The following LDHA variants were observed in gnomAD, a reference collection of about 807,000 sequenced individuals.
The protein encoded by LDHA is L-lactate dehydrogenase A chain.
In LDHA, 10 loss-of-function variants were observed where a neutral mutation model predicts 36.3. That is an observed-to-expected ratio of 0.28 (90% CI 0.17 to 0.47). The LOEUF (loss-of-function observed/expected upper bound fraction) is 0.47. LDHA is among the 20% of genes least tolerant of loss of function. The probability of loss-of-function intolerance (pLI) is 0.99; values close to 1 mark genes in which losing one functional copy is unlikely to be tolerated. For synonymous variants in LDHA, 110 were observed against 136.7 expected (o/e 0.80, Z 1.36); for missense variants, 267 against 405.8 (o/e 0.66, Z 2.94).
rs577348693 is a variant in LDHA, at chr11:18,397,683, C to T, written c.126+715C>T. On this transcript the variant is annotated intron_variant, in intron 2 of 7. Coordinates refer to ENST00000422447, the MANE Select transcript of LDHA (RefSeq NM_005566.4). The stretch of plus-strand genomic sequence containing the variant: ...AAAATTAGCCGGGCGTGGTGGCATA[C>T]GCCTATAGTCCCAGCTACTTGGGAG... 2.4e-4 allele frequency among the ~76,000 whole-genome samples: 37 copies of T among 152,052 alleles called. 1 individual carries two copies. The South Asian group carries it at 5.4e-3, about 22-fold the overall frequency.
At chr11:18,398,616 T>TC (rs1866376386) in intron 2 of LDHA, 2 of 82,200 alleles carry the variant, frequency 2.4e-5, no homozygotes, top group Non-Finnish European at 5.6e-5. Context: ...TTTTTTTTTT[T>TC]TTTTTTTTTT....
At position 18,407,868 on chromosome 11, in the gene LDHA, T is replaced by C. The variant is rs1005019034; in HGVS notation, c.*587T>C. ...AGTGACTACTTTGGTTAATTCATTA[T>C]ATTAAGATATAAAGTCATAAAGCTG... On this transcript the variant is annotated 3_prime_UTR_variant, in exon 8 of 8. Transcript: ENST00000422447. 6.6e-6 allele frequency: 3 copies of C among 454,152 alleles called. No individual in the cohort carries two copies. The highest frequency in any genetic ancestry group is 3.1e-5 in the South Asian group (2 of 64,474). The allele number at this position is 454,152 out of a possible 1,614,324, so 28.1% of individuals were successfully genotyped here. A position where few individuals can be genotyped will look rare whatever the true frequency, so the allele number is the denominator to read the frequency against.
intron 4 of LDHA, among the ~76,000 whole-genome samples, chr11:18,402,172 CTCAAAT>C (rs1231611936): frequency 2.6e-5 from 4 of 151,658 alleles, no homozygotes; most frequent in African/African-American, 9.7e-5. Flanking sequence ...CCAGGCTGGT[CTCAAAT>C]TCCTGAGCTC....
chr11:18,396,533 G>A, intron 1 of LDHA: 1 of 1,333,238 alleles, frequency 7.5e-7, no homozygotes, highest in Non-Finnish European at 9.6e-7. Flanking sequence ...CCCCACTTGG[G>A]GTTAATAAAC....
chr11:18,405,821 G>A, intron 7 of LDHA: 1 of 390,510 alleles, frequency 2.6e-6, no homozygotes, highest in Non-Finnish European at 4.6e-6. Context: ...TGAGGTAGGT[G>A]GAAGACTATA....
chr11:18,394,850 G>A (rs1223479911), intron 1 of LDHA: 2 of 353,882 alleles, frequency 5.7e-6, no homozygotes, highest in Non-Finnish European at 5.6e-6. Flanking sequence ...CTCTAAGCGG[G>A]AACCATGGCT....
Position 18,397,008 on chromosome 11 carries a change from C to A in LDHA, c.126+40C>A, listed in dbSNP as rs773917634. The A allele has an allele frequency of 6.3e-6, 10 of 1,590,010 alleles. 1 individual carries two copies. The highest frequency in any genetic ancestry group is 3.3e-5 in the Admixed American group (2 of 59,978). ...ACCACACTGGAAGCCCATACCTTGA[C>A]CCCATCCTCTACCCCCACTCCTACC... On this transcript the variant is annotated intron_variant, in intron 2 of 7. Transcript: ENST00000422447.
At position 18,399,491 on chromosome 11, in the gene LDHA, A is replaced by T. The variant is rs745571742; in HGVS notation, c.187A>T (p.Met63Leu). The change falls in exon 3 of 8, where the codon ATG becomes TTG. Residue 63 changes from methionine to leucine, a missense_variant. Transcript: ENST00000422447. ...CGAAGACAAATTGAAGGGAGAGATGATGGATCTCCAACATGGCAGCCTTTT... is the reference window on the plus strand; with the variant it reads ...CGAAGACAAATTGAAGGGAGAGATGTTGGATCTCCAACATGGCAGCCTTTT... ...VIEDKLKGEM[M>L]DLQHGSLFLR... The T allele has an allele frequency of 1.9e-6, 3 of 1,613,610 alleles. No homozygotes were observed. In the South Asian group the frequency reaches 3.3e-5, roughly 18 times the overall value.
At chr11:18,400,372 ATGTT>A (rs10554414) in intron 3 of LDHA, 172,200 of 251,890 alleles carry the variant, frequency 0.68, 61,861 homozygotes, top group South Asian at 0.77. Context: ...GAAGCAAAAT[ATGTT>A]TGTTAAGTGT....
chr11:18,395,632 C>A (rs1342045547), intron 1 of LDHA, among the ~76,000 whole-genome samples: 1 of 152,194 alleles, frequency 6.6e-6, no homozygotes, highest in Non-Finnish European at 1.5e-5. Context: ...GGCTGACTGC[C>A]TGCCTAGAGG....
At chr11:18,403,833 C>T in intron 6 of LDHA, 22 bp downstream of exon 6, 1 of 1,255,746 alleles carries the variant, frequency 8.0e-7, no homozygotes, top group Non-Finnish European at 1.2e-6. Context: ...TTCAATTTGG[C>T]AACACAGAAT....
At chr11:18,395,858 T>C (rs1291412057) in intron 1 of LDHA, among the ~76,000 whole-genome samples, 1 of 152,246 alleles carries the variant, frequency 6.6e-6, no homozygotes, top group African/African-American at 2.4e-5. Flanking sequence ...AACTATTTCT[T>C]CATACTGGGC....
At position 18,394,593 on chromosome 11, in the gene LDHA, C is replaced by G. The variant is rs1356719751; in HGVS notation, c.-68C>G. On this transcript the variant is annotated 5_prime_UTR_variant, in exon 1 of 8. It adds an upstream start codon to the 5' untranslated region. Coordinates refer to ENST00000422447, the MANE Select transcript of LDHA (RefSeq NM_005566.4). ...GCAGCCGCTGCCGCCGATTCCGGAT[C>G]TCATTGCCACGCGCCCCCGACGACC... is the stretch of plus-strand genomic sequence containing the variant. 2.2e-6 allele frequency: 1 copy of G among 454,028 alleles called. No individual in the cohort carries two copies. The highest frequency in any genetic ancestry group is 2.0e-5 in the African/African-American group (1 of 50,014). 28.1% of individuals were successfully genotyped at this position (454,028 alleles called of 1,614,324 possible).
chr11:18,401,724 G>A (rs575080426), intron 4 of LDHA, among the ~76,000 whole-genome samples: 3 of 143,106 alleles, frequency 2.1e-5, no homozygotes, highest in Non-Finnish European at 3.1e-5. Flanking sequence ...TGATCTGCCC[G>A]CCTTGGCCTC....
intron 4 of LDHA, chr11:18,402,414 C>T (rs1363671361): frequency 5.2e-6 from 1 of 192,950 alleles, no homozygotes; most frequent in African/African-American, 2.4e-5. Flanking sequence ...CTTCCTCAGC[C>T]TCTTAAGTAG....
At chr11:18,394,722 C>T in intron 1 of LDHA, 86 bp downstream of exon 1, 1 of 448,388 alleles carries the variant, frequency 2.2e-6, no homozygotes, top group Admixed American at 2.4e-5. Flanking sequence ...CCGCTGCTCG[C>T]GAAGGGATTC....
chr11:18,405,510 G>A lies in LDHA; in HGVS notation c.772G>A (p.Asp258Asn), dbSNP rs1208949691. ...CTGGGCTATTGGACTCTCTGTAGCA[G>A]ATTTGGCAGAGAGTATAATGAAGAA... ...TSWAIGLSVA[D>N]LAESIMKNLR... is the part of the protein sequence containing the mutation. Residue 258 changes from aspartate to asparagine, a missense_variant, in exon 7 of 8, where the codon GAT becomes AAT. By Grantham distance (23) the Asp-to-Asn change is conservative. Coordinates refer to ENST00000422447, the MANE Select transcript of LDHA (RefSeq NM_005566.4). The A allele has an allele frequency of 2.5e-6, 4 of 1,613,418 alleles. No individual in the cohort carries two copies. Among genetic ancestry groups the A allele is most frequent in the Middle Eastern group, 1.7e-4 (1 of 6,054 alleles).
At position 18,403,779 on chromosome 11, in the gene LDHA, G is replaced by C. The variant is rs745669796; in HGVS notation, c.678G>C (p.Gln226His). The C allele has an allele frequency of 6.2e-7, 1 of 1,605,860 alleles. No homozygotes were observed. The highest frequency in any genetic ancestry group is 1.1e-5 in the South Asian group (1 of 90,910). Residue 226 changes from glutamine (Q) to histidine (H), a missense_variant, in exon 6 of 8, where the codon CAG becomes CAC. By Grantham distance (24) the Gln-to-His change is conservative. Coordinates refer to ENST00000422447, the MANE Select transcript of LDHA (RefSeq NM_005566.4). ...PDLGTDKDKE[Q>H]WKEVHKQVVE... is the part of the protein sequence containing the mutation. ...TAGGGACTGATAAAGATAAGGAACA[G>C]TGGAAAGAGGTTCACAAGCAGGTGG...
At position 18,408,347 on chromosome 11, in the gene LDHA, C is replaced by T; in HGVS notation, c.*1066C>T. 2.7e-6 allele frequency: 1 copy of T among 367,392 alleles called. No homozygotes were observed. Among genetic ancestry groups the T allele is most frequent in the South Asian group, 2.1e-5 (1 of 48,750 alleles). The allele number at this position is 367,392 out of a possible 1,614,324, so 22.8% of individuals were successfully genotyped here. On this transcript the variant is annotated 3_prime_UTR_variant, in exon 8 of 8. Coordinates refer to ENST00000422447, the MANE Select transcript of LDHA (RefSeq NM_005566.4). ...CATCTGTTAAAAAAACAAAACAAAA[C>T]CAAAAAAAACAAGTAACCTTGGTGG...
Sources: gnomAD v4.1 joint callset for allele counts (sites outside exome capture counted in the v4.1 genomes callset) on GRCh38, gnomAD v4.1.1 for gene constraint, MANE v1.5 for transcripts, NCBI Gene and HGNC (gene_info 2026-07-23, HGNC 2026-07-21) for gene names.